The following SLC12A3 variants were observed in gnomAD, a reference collection of about 807,000 sequenced individuals.
The protein encoded by SLC12A3 is solute carrier family 12 member 3, also known as Na-Cl cotransporter.
A neutral mutation model predicts 121.0 loss-of-function variants in SLC12A3; 104 were observed. That is an observed-to-expected ratio of 0.86 (90% CI 0.73 to 1.01). The LOEUF is 1.01. Ranked by LOEUF, SLC12A3 falls within the 50% of genes least tolerant of loss-of-function variation. The pLI is 0.00. For missense variants in SLC12A3, 1,328 were observed against 1,356.3 expected, an observed-to-expected ratio of 0.98 and a Z score of 0.33; for synonymous variants, 536 against 533.4, an observed-to-expected ratio of 1.00 and a Z score of -0.07.
chr16:56,912,225 A>G (rs1452323355), intron 25 of SLC12A3, among the ~76,000 whole-genome samples: 3 of 152,196 alleles, frequency 2.0e-5, no homozygotes, highest in Non-Finnish European at 4.4e-5. Context: ...GACCTGTGAG[A>G]CACTGCTGGA....
At chr16:56,890,245 A>G in intron 18 of SLC12A3, 29 bp from the exon 19 acceptor site, 1 of 1,584,002 alleles carries the variant, frequency 6.3e-7, no homozygotes, top group Non-Finnish European at 8.7e-7. Context: ...GCTGGGGGAG[A>G]AGCTGGACCT....
chr16:56,886,619 G>A lies in SLC12A3; in HGVS notation c.2037+144G>A, dbSNP rs537161587. 1.2e-4 allele frequency: 89 copies of A among 768,378 alleles called. 1 individual carries two copies. The highest frequency in any genetic ancestry group is 9.0e-4 in the African/African-American group (52 of 57,934). The allele number at this position is 768,378 out of a possible 1,614,324, so 47.6% of individuals were successfully genotyped here. A position where few individuals can be genotyped will look rare whatever the true frequency, so the allele number is the denominator to read the frequency against. On this transcript the variant is annotated intron_variant, in intron 16 of 25. Transcript: ENST00000563236. ...GGCCAACACAGCTCCTGGGGGAGTC[G>A]CCTGGGTGTGATGTCCACCCACAGA...
intron 13 of SLC12A3, 112 bp downstream of exon 13, chr16:56,882,609 C>A (rs1414308159): frequency 1.2e-6 from 1 of 802,878 alleles, no homozygotes; most frequent in East Asian, 2.5e-5. Context: ...AAGGTCACCT[C>A]TCAATTTAAA....
At position 56,881,727 on chromosome 16, in the gene SLC12A3, G is replaced by A. The variant is rs974141514; in HGVS notation, c.1568-669G>A. ...TACCAGTGGGGTGGAGCTGTGTTACGGTCTTAGGTGTCCTGGGCCACATTG... is the reference window on the plus strand; with the variant it reads ...TACCAGTGGGGTGGAGCTGTGTTACAGTCTTAGGTGTCCTGGGCCACATTG... On this transcript the variant is annotated intron_variant, in intron 12 of 25. Transcript: ENST00000563236. 5.3e-5 allele frequency among the ~76,000 whole-genome samples: 8 copies of A among 152,134 alleles called. No individual in the cohort carries two copies. The South Asian group carries it at 8.3e-4, about 16-fold the overall frequency.
At chr16:56,889,555 C>A (rs1271861142) in intron 18 of SLC12A3, among the ~76,000 whole-genome samples, 1 of 152,210 alleles carries the variant, frequency 6.6e-6, no homozygotes, top group Non-Finnish European at 1.5e-5. Context: ...TGGCTCACCA[C>A]AACCTCTGCC....
chr16:56,905,338 CAAAA>C (rs59206129), intron 25 of SLC12A3, among the ~76,000 whole-genome samples: 1 of 50,748 alleles, frequency 2.0e-5, no homozygotes, highest in Non-Finnish European at 4.1e-5. Flanking sequence ...AACTCCGTCT[CAAAA>C]AAAAAAAAAA....
intron 20 of SLC12A3, among the ~76,000 whole-genome samples, chr16:56,892,568 C>T (rs1388989255): frequency 6.6e-6 from 1 of 152,164 alleles, no homozygotes; most frequent in East Asian, 1.9e-4. Context: ...CCCCTCTAGC[C>T]ATGCAGGGTG....
chr16:56,904,519 T>C, intron 25 of SLC12A3, 57 bp downstream of exon 25: 10 of 1,549,710 alleles, frequency 6.5e-6, no homozygotes, highest in Non-Finnish European at 8.9e-6. Context: ...GTGTCTCAGC[T>C]CTGGGAAGGG....
At chr16:56,882,641 T>C (rs572159050) in intron 13 of SLC12A3, 144 bp downstream of exon 13, 23 of 723,720 alleles carry the variant, frequency 3.2e-5, no homozygotes, top group Non-Finnish European at 5.5e-5. Flanking sequence ...GGAACATTAA[T>C]ATAATAATAG....
chr16:56,877,716 C>G (rs1422588665), intron 8 of SLC12A3, among the ~76,000 whole-genome samples: 3 of 152,232 alleles, frequency 2.0e-5, no homozygotes, highest in South Asian at 2.1e-4. Flanking sequence ...CAGAGCCCAC[C>G]ACCCTGCCCC....
In SLC12A3 at chr16:56,888,058, G is replaced by A. The variant is rs777319018; in HGVS notation, c.2285+27G>A. Reference sequence around the variant, plus strand: ...TGAGTCGGGGGAGAGGAAGGGGCTTGGGGTCTGTTAATTTGGGCCCATTGG... The same window carrying A: ...TGAGTCGGGGGAGAGGAAGGGGCTTAGGGTCTGTTAATTTGGGCCCATTGG... On this transcript the variant is annotated intron_variant, in intron 18 of 25. Transcript: ENST00000563236. 4 of 1,558,554 alleles carry A rather than the reference G, an allele frequency of 2.6e-6. No individual in the cohort carries two copies. In the South Asian group the frequency reaches 4.4e-5, roughly 17 times the overall value.
chr16:56,906,178 C>G (rs2055605740), intron 25 of SLC12A3, among the ~76,000 whole-genome samples: 1 of 152,210 alleles, frequency 6.6e-6, no homozygotes, highest in Non-Finnish European at 1.5e-5. Flanking sequence ...AAAAGCAACT[C>G]AAACTATTTT....
intron 11 of SLC12A3, 109 bp from the exon 12 acceptor site, chr16:56,880,021 T>A: frequency 1.5e-6 from 2 of 1,370,346 alleles, no homozygotes; most frequent in Non-Finnish European, 2.0e-6. Context: ...AGGACCCAGG[T>A]TGGGGAGGTC....
At position 56,884,683 on chromosome 16, in the gene SLC12A3, A is replaced by AT. The variant is rs1364864597; in HGVS notation, c.1825+481dup. ...AAACAGGACTCTAAGAAAGCCTGGG[A>AT]TTCTAAGTGTCAACCTGGGCTTCTA... On this transcript the variant is annotated intron_variant, in intron 14 of 25. Coordinates refer to ENST00000563236, the MANE Select transcript of SLC12A3 (RefSeq NM_001126108.2). Among the ~76,000 whole-genome samples, 98 of 152,276 alleles carry AT rather than the reference A, an allele frequency of 6.4e-4. 1 individual carries two copies. The highest frequency in any genetic ancestry group is 2.4e-3 in the African/African-American group (98 of 41,548).
At chr16:56,872,164 G>A (rs946402308) in intron 6 of SLC12A3, among the ~76,000 whole-genome samples, 187 bp from the exon 7 acceptor site, 2 of 152,204 alleles carry the variant, frequency 1.3e-5, no homozygotes, top group East Asian at 1.9e-4. Flanking sequence ...CAAGACAAGA[G>A]GCTTTGGCGG....
intron 25 of SLC12A3, among the ~76,000 whole-genome samples, chr16:56,905,916 A>G (rs1160879360): frequency 6.6e-6 from 1 of 152,182 alleles, no homozygotes; most frequent in Non-Finnish European, 1.5e-5. Flanking sequence ...TAAATCTGCA[A>G]AATGCATCCT....
chr16:56,899,589 A>T lies in SLC12A3; in HGVS notation c.2693A>T (p.Asp898Val), dbSNP rs138007665. ...LGFHEVHILP[D>V]INQNPRAEHT... ...TTCCATGAAGTCCACATCCTCCCTG[A>T]CATCAACCAGAACCCTCGGGCTGAG... Residue 898 changes from aspartate to valine, a missense_variant, in exon 23 of 26, where the codon GAC becomes GTC. Physicochemically the swap from Asp to Val is radical, Grantham distance 152. Transcript: ENST00000563236. The T allele has an allele frequency of 3.7e-6, 6 of 1,614,088 alleles. No individual in the cohort carries two copies. Among genetic ancestry groups the T allele is most frequent in the South Asian group, 3.3e-5 (3 of 91,086 alleles).
chr16:56,888,794 G>A (rs562888632), intron 18 of SLC12A3, among the ~76,000 whole-genome samples: 36 of 152,114 alleles, frequency 2.4e-4, no homozygotes, highest in South Asian at 8.3e-4. Flanking sequence ...TCCTGACCTC[G>A]TGATCCGCCC....
At chr16:56,879,802 T>C (rs2144713257) in intron 11 of SLC12A3, among the ~76,000 whole-genome samples, 153 bp downstream of exon 11, 1 of 152,042 alleles carries the variant, frequency 6.6e-6, no homozygotes, top group South Asian at 2.1e-4. Context: ...ATCAGCAAAC[T>C]CTTGAAGGAA....
Sources: allele counts gnomAD v4.1 joint callset (sites outside exome capture counted in the v4.1 genomes callset), GRCh38; gene constraint gnomAD v4.1.1; transcripts MANE v1.5; gene names NCBI Gene and HGNC (gene_info 2026-07-23, HGNC 2026-07-21).